WDFY2: variants seen among roughly 807,000 people sequenced by gnomAD.
WDFY2 encodes the protein WD repeat and FYVE domain containing 2, also known as WD repeat and FYVE domain-containing protein 2.
Under a neutral mutation model 56.4 loss-of-function variants are expected in WDFY2, and 36 were observed. The ratio of observed to expected loss-of-function variants is 0.64; its 90% confidence interval spans 0.49 to 0.84. The LOEUF is 0.84. Ranked by LOEUF, WDFY2 falls within the 40% of genes least tolerant of loss-of-function variation. The pLI, the probability that WDFY2 is intolerant of heterozygous loss-of-function variation, is 0.00. For missense variants in WDFY2, 444 were observed against 512.2 expected, an observed-to-expected ratio of 0.87 and a Z score of 1.29; for synonymous variants, 176 against 183.7, an observed-to-expected ratio of 0.96 and a Z score of 0.34.
chr13:51,655,411 G>C (rs1441765934), intron 1 of WDFY2, among the ~76,000 whole-genome samples: 2 of 151,290 alleles, frequency 1.3e-5, no homozygotes, highest in Non-Finnish European at 1.5e-5. Context: ...AAAGATTGTT[G>C]AATTTTGTCA....
chr13:51,734,921 A>T (rs2138674916), intron 6 of WDFY2, among the ~76,000 whole-genome samples: 1 of 152,366 alleles, frequency 6.6e-6, no homozygotes, highest in South Asian at 2.1e-4. Flanking sequence ...GAAAACCACA[A>T]GCATTGAAGC....
intron 2 of WDFY2, among the ~76,000 whole-genome samples, chr13:51,669,474 A>G (rs1465789496): frequency 1.3e-5 from 2 of 152,152 alleles, no homozygotes; most frequent in Non-Finnish European, 2.9e-5. Flanking sequence ...ATAGACCTGC[A>G]CAGTTTAGTT....
At chr13:51,586,039 A>T in intron 1 of WDFY2, 1 of 398,610 alleles carries the variant, frequency 2.5e-6, no homozygotes, top group Non-Finnish European at 4.4e-6. Context: ...AATGGAAAAC[A>T]TTGTAAACAT....
intron 4 of WDFY2, among the ~76,000 whole-genome samples, chr13:51,717,068 C>A (rs1006980937): frequency 5.9e-5 from 9 of 152,088 alleles, no homozygotes; most frequent in African/African-American, 2.2e-4. Flanking sequence ...CTAACATCAT[C>A]CTTAATGGTG....
rs571036980 is a variant in WDFY2 at position 51,742,121 on chromosome 13, A to C, written c.725+2946A>C. On this transcript the variant is annotated intron_variant, in intron 7 of 11. Coordinates refer to ENST00000298125, the MANE Select transcript of WDFY2 (RefSeq NM_052950.4). ...GCCTTTCCTTGGTATGGAAATGTCC[A>C]GCCATTCTGTTGAGGGACAGCTGCA... 2.4e-4 allele frequency among the ~76,000 whole-genome samples: 37 copies of C among 152,320 alleles called. No individual in the cohort carries two copies. The East Asian group carries it at 6.2e-3, about 25-fold the overall frequency.
intron 1 of WDFY2, 44 bp downstream of exon 1, chr13:51,584,868 C>A: frequency 6.2e-7 from 1 of 1,607,234 alleles, no homozygotes; most frequent in Admixed American, 1.7e-5. Flanking sequence ...GCGGGACGGG[C>A]CGACGGCCCT....
intron 1 of WDFY2, chr13:51,591,603 G>A (rs997778792): frequency 6.6e-6 from 1 of 152,166 alleles, no homozygotes; most frequent in East Asian, 1.9e-4. Context: ...TTATGAAATG[G>A]TATCCTCTTA....
chr13:51,716,708 A>AAT (rs1555262422), intron 4 of WDFY2, among the ~76,000 whole-genome samples: 1 of 150,670 alleles, frequency 6.6e-6, no homozygotes, highest in Non-Finnish European at 1.5e-5. Flanking sequence ...AAAAAAAAAA[A>AAT]AAAATCAACA....
intron 5 of WDFY2, among the ~76,000 whole-genome samples, chr13:51,720,496 A>G (rs555865081): frequency 6.6e-6 from 1 of 152,348 alleles, no homozygotes; most frequent in South Asian, 2.1e-4. Context: ...GCCAATTCAG[A>G]TGAGCATAAT....
intron 1 of WDFY2, among the ~76,000 whole-genome samples, chr13:51,641,144 C>G (rs1361508114): frequency 1.3e-5 from 2 of 151,974 alleles, no homozygotes; most frequent in African/African-American, 4.8e-5. Context: ...ATGATCTCGG[C>G]TCACTGCAAC....
intron 1 of WDFY2, among the ~76,000 whole-genome samples, chr13:51,597,605 A>G (rs1954176277): frequency 6.6e-6 from 1 of 152,212 alleles, no homozygotes; most frequent in African/African-American, 2.4e-5. Context: ...TGGAAAAGTG[A>G]GGTTAATGAT....
In WDFY2 at chr13:51,760,257, T is replaced by TA. The variant is rs1415505122; in HGVS notation, c.*488_*489insA. ...TCTGCCTTTCCTGGAGGGGATGTAT[T>TA]TATGTTATTTATTCCCAGTGTTTCT... On this transcript the variant is annotated 3_prime_UTR_variant, in exon 12 of 12. Coordinates refer to ENST00000298125, the MANE Select transcript of WDFY2 (RefSeq NM_052950.4). 6.5e-6 allele frequency: 1 copy of TA among 152,724 alleles called. No homozygotes were observed. The highest frequency in any genetic ancestry group is 1.5e-5 in the Non-Finnish European group (1 of 68,444). 9.5% of individuals were successfully genotyped at this position (152,724 alleles called of 1,614,324 possible). A position where few individuals can be genotyped will look rare whatever the true frequency, so the allele number is the denominator to read the frequency against.
intron 8 of WDFY2, chr13:51,752,971 C>A (rs890656820): frequency 1.2e-4 from 19 of 152,178 alleles, no homozygotes; most frequent in Non-Finnish European, 2.4e-4. Context: ...GACAGACTTT[C>A]TGGAAGAAAA....
intron 1 of WDFY2, among the ~76,000 whole-genome samples, chr13:51,604,167 A>G (rs1954341381): frequency 6.6e-6 from 1 of 152,230 alleles, no homozygotes; most frequent in Non-Finnish European, 1.5e-5. Context: ...CGCTGGAGCC[A>G]GTCTTTTGTG....
chr13:51,699,839 T>C (rs1284126875), intron 3 of WDFY2, among the ~76,000 whole-genome samples: 1 of 152,202 alleles, frequency 6.6e-6, no homozygotes, highest in Non-Finnish European at 1.5e-5. Context: ...ACATAGACAT[T>C]AGTTCATATG....
At chr13:51,708,170 C>T (rs547943626) in intron 4 of WDFY2, among the ~76,000 whole-genome samples, 4 of 151,720 alleles carry the variant, frequency 2.6e-5, no homozygotes, top group Admixed American at 2.6e-4. Context: ...GCGTGAGCCA[C>T]CACTCCTGGC....
intron 1 of WDFY2, among the ~76,000 whole-genome samples, chr13:51,641,740 G>A (rs1211924459): frequency 7.0e-6 from 1 of 143,084 alleles, no homozygotes; most frequent in Admixed American, 7.3e-5. Flanking sequence ...GCAGGAGAAT[G>A]ACGTGAACCC....
At chr13:51,736,551 G>A (rs1430940832) in intron 6 of WDFY2, among the ~76,000 whole-genome samples, 1 of 152,200 alleles carries the variant, frequency 6.6e-6, no homozygotes, top group Non-Finnish European at 1.5e-5. Flanking sequence ...GGAGTGCAGT[G>A]GCGTGATCTC....
chr13:51,759,556 C>CTTG (rs1953514459), intron 11 of WDFY2, among the ~76,000 whole-genome samples, 184 bp from the exon 12 acceptor site: 2 of 152,098 alleles, frequency 1.3e-5, no homozygotes, highest in Non-Finnish European at 1.5e-5. Context: ...CTGTCATTGT[C>CTTG]TTGTTTTTGA....
Sources: allele counts gnomAD v4.1 joint callset (sites outside exome capture counted in the v4.1 genomes callset), GRCh38; gene constraint gnomAD v4.1.1; transcripts MANE v1.5; gene names NCBI Gene and HGNC (gene_info 2026-07-23, HGNC 2026-07-21).